The following PHF20 variants were observed in gnomAD, a reference collection of about 807,000 sequenced individuals.
PHF20 encodes glioma-expressed antigen 2.
Under a neutral mutation model 113.5 loss-of-function variants are expected in PHF20, and 23 were observed. That is an observed-to-expected ratio of 0.20 (90% CI 0.15 to 0.29). PHF20 has a LOEUF of 0.29. Ranked by LOEUF, PHF20 falls within the 10% of genes least tolerant of loss-of-function variation. The probability of loss-of-function intolerance (pLI) is 1.00; values close to 1 mark genes in which losing one functional copy is unlikely to be tolerated. For missense variants in PHF20, 943 were observed against 1,219.6 expected (o/e 0.77, Z 3.38); for synonymous variants, 434 against 457.3 (o/e 0.95, Z 0.65).
At chr20:35,889,543 A>G (rs2054809186) in intron 9 of PHF20, among the ~76,000 whole-genome samples, 1 of 151,122 alleles carries the variant, frequency 6.6e-6, no homozygotes, top group African/African-American at 2.4e-5. Context: ...TTGGATTTTT[A>G]GTAGAGATAG....
chr20:35,885,622 A>G (rs1017353391), intron 9 of PHF20, among the ~76,000 whole-genome samples: 2 of 151,658 alleles, frequency 1.3e-5, no homozygotes, highest in Admixed American at 6.6e-5. Flanking sequence ...TGGGTTATTC[A>G]CTTTCCACAG....
chr20:35,926,767 C>G (rs2055647646), intron 13 of PHF20, among the ~76,000 whole-genome samples: 2 of 152,302 alleles, frequency 1.3e-5, no homozygotes, highest in South Asian at 4.1e-4. Context: ...ACCTATGTGA[C>G]TCCCAGTGGT....
rs537629342 is a variant in PHF20 at position 35,772,074 on chromosome 20, C to G, written c.-38C>G. 10 of 151,364 alleles carry G rather than the reference C, an allele frequency of 6.6e-5. No homozygotes were observed. Among genetic ancestry groups the G allele is most frequent in the Admixed American group, 2.0e-4 (3 of 15,206 alleles). 9.4% of individuals were successfully genotyped at this position (151,364 alleles called of 1,614,324 possible). Reference sequence around the variant, plus strand: ...TGGAGCGGCGCAGCCGGAGTGGGGCCGTGAGGTGAGCTCGCGGCCAGGCGA... The same window carrying G: ...TGGAGCGGCGCAGCCGGAGTGGGGCGGTGAGGTGAGCTCGCGGCCAGGCGA... On this transcript the variant is annotated 5_prime_UTR_variant, in exon 1 of 18. Coordinates refer to ENST00000374012, the MANE Select transcript of PHF20 (RefSeq NM_016436.5).
At chr20:35,855,540 T>C (rs2042811671) in intron 4 of PHF20, 2 of 153,766 alleles carry the variant, frequency 1.3e-5, no homozygotes, top group African/African-American at 2.4e-5. Context: ...TGGGTGTATG[T>C]ATTTATGAGT....
chr20:35,877,494 G>C (rs1216949673), intron 9 of PHF20, among the ~76,000 whole-genome samples: 1 of 150,072 alleles, frequency 6.7e-6, no homozygotes, highest in African/African-American at 2.5e-5. Flanking sequence ...GTGTTGCCTA[G>C]GCTGGAGTGC....
chr20:35,829,404 G>T lies in PHF20; in HGVS notation c.84-13169G>T, dbSNP rs566269334. On this transcript the variant is annotated intron_variant, in intron 2 of 17. Transcript: ENST00000374012. The stretch of plus-strand genomic sequence containing the variant: ...ATTCTCACTCTGTTGCCAGGCTGGA[G>T]TGCAGTGGTGCGATCTCAGCTCACT... Among the ~76,000 whole-genome samples, 4 of 152,098 alleles carry T rather than the reference G, an allele frequency of 2.6e-5. No individual in the cohort carries two copies. In the South Asian group the frequency reaches 8.3e-4, roughly 32 times the overall value.
rs896131681 is a variant in PHF20, at chr20:35,923,488, T to C, written c.2005-4292T>C. ...ATAAAAATTTAAACAAAGAAGCCCATTTGAAAGTTTTGGTTATTTTAAAAT... is the reference window on the plus strand; with the variant it reads ...ATAAAAATTTAAACAAAGAAGCCCACTTGAAAGTTTTGGTTATTTTAAAAT... On this transcript the variant is annotated intron_variant, in intron 13 of 17. Coordinates refer to ENST00000374012, the MANE Select transcript of PHF20 (RefSeq NM_016436.5). 3.3e-5 allele frequency among the ~76,000 whole-genome samples: 5 copies of C among 152,132 alleles called. No individual in the cohort carries two copies. The South Asian group carries it at 1.0e-3, about 32-fold the overall frequency.
chr20:35,784,285 C>A (rs1332192037), intron 1 of PHF20, among the ~76,000 whole-genome samples: 2 of 151,988 alleles, frequency 1.3e-5, no homozygotes, highest in African/African-American at 4.8e-5. Context: ...AACTCCTGAC[C>A]TTGTGATCTG....
chr20:35,943,513 A>ACT (rs1383819208), intron 17 of PHF20, among the ~76,000 whole-genome samples: 1 of 151,092 alleles, frequency 6.6e-6, no homozygotes, highest in African/African-American at 2.4e-5. Flanking sequence ...AAAAAAAAAA[A>ACT]AGCCTAGTAA....
At chr20:35,779,644 T>G (rs536834855) in intron 1 of PHF20, among the ~76,000 whole-genome samples, 1 of 152,100 alleles carries the variant, frequency 6.6e-6, no homozygotes, top group African/African-American at 2.4e-5. Context: ...CTCAGCCTCC[T>G]GAGTAGCTGG....
intron 1 of PHF20, among the ~76,000 whole-genome samples, chr20:35,793,079 A>G (rs914954189): frequency 6.6e-6 from 1 of 152,112 alleles, no homozygotes; most frequent in Middle Eastern, 3.2e-3. Flanking sequence ...CCCAGGTATC[A>G]CTGGACCGGC....
chr20:35,915,499 G>A (rs1419676952), intron 12 of PHF20, among the ~76,000 whole-genome samples: 6 of 151,922 alleles, frequency 3.9e-5, no homozygotes, highest in South Asian at 2.1e-4. Context: ...CAATTCTCCT[G>A]TCTCAACCTC....
chr20:35,809,877 A>T (rs1600763740), intron 2 of PHF20, among the ~76,000 whole-genome samples: 1 of 152,184 alleles, frequency 6.6e-6, no homozygotes, highest in Non-Finnish European at 1.5e-5. Context: ...CTAGGCAGAT[A>T]GGGACAGTTC....
intron 10 of PHF20, among the ~76,000 whole-genome samples, chr20:35,911,226 T>C (rs1224086506): frequency 6.6e-6 from 1 of 151,876 alleles, no homozygotes; most frequent in African/African-American, 2.4e-5. Flanking sequence ...GTATTTTTAG[T>C]AGAGACAGGG....
chr20:35,884,590 C>T (rs1011977268), intron 9 of PHF20, among the ~76,000 whole-genome samples: 10 of 152,038 alleles, frequency 6.6e-5, no homozygotes, highest in African/African-American at 1.9e-4. Flanking sequence ...ATTTTTCCTA[C>T]GTATGTAGAT....
intron 13 of PHF20, among the ~76,000 whole-genome samples, chr20:35,926,285 G>T (rs2055631943): frequency 1.4e-5 from 2 of 137,996 alleles, no homozygotes; most frequent in Non-Finnish European, 3.1e-5. Context: ...TGGCCCAGGT[G>T]GGAGTGCAGT....
chr20:35,783,926 G>A (rs1261446638), intron 1 of PHF20, among the ~76,000 whole-genome samples: 4 of 151,888 alleles, frequency 2.6e-5, no homozygotes, highest in African/African-American at 9.7e-5. Context: ...CGGAGGTTGT[G>A]GTGAGCCGAG....
chr20:35,794,426 T>C (rs1435538721), intron 1 of PHF20, among the ~76,000 whole-genome samples: 1 of 152,190 alleles, frequency 6.6e-6, no homozygotes, highest in Non-Finnish European at 1.5e-5. Context: ...TTCCAGTACC[T>C]GGCACACAGC....
At chr20:35,807,017 G>T (rs887282902) in intron 2 of PHF20, among the ~76,000 whole-genome samples, 1 of 151,758 alleles carries the variant, frequency 6.6e-6, no homozygotes, top group Non-Finnish European at 1.5e-5. Context: ...GGATGGTCTC[G>T]ATCTCCTGAC....
Sources: allele counts gnomAD v4.1 joint callset (sites outside exome capture counted in the v4.1 genomes callset), GRCh38; gene constraint gnomAD v4.1.1; transcripts MANE v1.5; gene names NCBI Gene and HGNC (gene_info 2026-07-23, HGNC 2026-07-21).